YTHDC2: variants seen among roughly 807,000 people sequenced by gnomAD.
YTHDC2 encodes 3'-5' RNA helicase YTHDC2.
In YTHDC2, 45 loss-of-function variants were observed where a neutral mutation model predicts 174.9. The observed-to-expected ratio is 0.26, with a 90% CI of 0.20 to 0.33. The LOEUF (loss-of-function observed/expected upper bound fraction) is 0.33. Among genes scored for constraint, YTHDC2 ranks in the 10% least tolerant of loss-of-function variants. YTHDC2 has a pLI of 1.00. For missense variants in YTHDC2, 1,650 were observed against 1,723.7 expected (o/e 0.96, Z 0.76); for synonymous variants, 657 against 574.5 (o/e 1.14, Z -2.05).
chr5:113,582,366 G>A (rs1374523996), intron 25 of YTHDC2: 1 of 152,076 alleles, frequency 6.6e-6, no homozygotes, highest in Non-Finnish European at 1.5e-5. Flanking sequence ...ATGTGGTGGT[G>A]TTTTTGTTTA....
intron 1 of YTHDC2, chr5:113,514,317 A>G: frequency 1.4e-6 from 1 of 696,110 alleles, no homozygotes; most frequent in Non-Finnish European, 2.6e-6. Flanking sequence ...TTTGCTCCCT[A>G]GCTGAAAGTG....
intron 2 of YTHDC2, among the ~76,000 whole-genome samples, chr5:113,516,748 G>A (rs1773452719): frequency 6.6e-6 from 1 of 152,002 alleles, no homozygotes; most frequent in Non-Finnish European, 1.5e-5. Context: ...TTAGGAAGAG[G>A]GAAAACAAAA....
intron 1 of YTHDC2, 92 bp from the exon 2 acceptor site, chr5:113,515,174 TTGTCTA>T (rs1416079831): frequency 2.8e-6 from 2 of 702,592 alleles, no homozygotes; most frequent in Non-Finnish European, 4.7e-6. Flanking sequence ...ATAAATTTGA[TTGTCTA>T]TGTATGTTTT....
chr5:113,531,414 C>T (rs1220166884), intron 4 of YTHDC2, among the ~76,000 whole-genome samples: 2 of 152,096 alleles, frequency 1.3e-5, no homozygotes, highest in Non-Finnish European at 2.9e-5. Flanking sequence ...CTTGAGTAGA[C>T]ACCACTAGAG....
rs1561707154 is a variant in YTHDC2, at chr5:113,584,331, T to C, written c.3677T>C (p.Leu1226Ser). ...CTGATGAAATCTCCATCTCCAGCAT[T>C]ACACCCACCTCAGAAGTACAAAGAT... ...RVLMKSPSPA[L>S]HPPQKYKDRG... is the part of the protein sequence containing the mutation. The change falls in exon 26 of 30, where the codon TTA (leucine) becomes TCA (serine). Residue 1226 changes from leucine (L) to serine (S), a missense_variant. By Grantham distance (145) the Leu-to-Ser change is moderately radical. Around this residue, in one of 5 missense-constraint regions of YTHDC2, gnomAD observed 913 missense variants for 940.4 expected, o/e 0.97. Coordinates refer to ENST00000161863, the MANE Select transcript of YTHDC2 (RefSeq NM_022828.5). The C allele has an allele frequency of 4.3e-6, 7 of 1,613,424 alleles. No homozygotes were observed. The highest frequency in any genetic ancestry group is 5.9e-6 in the Non-Finnish European group (7 of 1,179,648).
intron 23 of YTHDC2, among the ~76,000 whole-genome samples, chr5:113,578,991 A>T (rs966754184): frequency 6.6e-6 from 1 of 151,900 alleles, no homozygotes; most frequent in Non-Finnish European, 1.5e-5. Flanking sequence ...TCTCATTTTC[A>T]CCTAATTTTG....
intron 14 of YTHDC2, 23 bp from the exon 15 acceptor site, chr5:113,553,744 T>G (rs777972499): frequency 6.2e-7 from 1 of 1,612,262 alleles, no homozygotes; most frequent in Non-Finnish European, 8.5e-7. Context: ...TTATAGTATG[T>G]TTTCTCTTTC....
Position 113,515,320 on chromosome 5 carries a change from A to T in YTHDC2, c.236A>T (p.His79Leu). ...SLTSTERAFIHRLSQSLGLVS... is the reference protein window; with the variant it reads ...SLTSTERAFILRLSQSLGLVS... ...ACCAGTACTGAAAGAGCCTTTATTCATCGACTCAGTCAGTCTCTTGGTTTG... is the reference window on the plus strand; with the variant it reads ...ACCAGTACTGAAAGAGCCTTTATTCTTCGACTCAGTCAGTCTCTTGGTTTG... Residue 79 changes from histidine (H) to leucine (L), a missense_variant, in exon 2 of 30, where the codon CAT becomes CTT. Around this residue, in one of 5 missense-constraint regions of YTHDC2, gnomAD observed 304 missense variants for 341.4 expected, o/e 0.89. Coordinates refer to ENST00000161863, the MANE Select transcript of YTHDC2 (RefSeq NM_022828.5). 4 of 1,612,936 alleles carry T rather than the reference A, an allele frequency of 2.5e-6. No individual in the cohort carries two copies. The highest frequency in any genetic ancestry group is 3.4e-6 in the Non-Finnish European group (4 of 1,179,786).
chr5:113,539,718 A>G (rs1472203760), intron 8 of YTHDC2, among the ~76,000 whole-genome samples: 1 of 152,140 alleles, frequency 6.6e-6, no homozygotes, highest in Non-Finnish European at 1.5e-5. Flanking sequence ...ATTATTCATC[A>G]TAGAAGACTT....
intron 18 of YTHDC2, among the ~76,000 whole-genome samples, chr5:113,561,914 T>A (rs1208567970): frequency 1.3e-5 from 2 of 151,856 alleles, no homozygotes; most frequent in African/African-American, 4.8e-5. Flanking sequence ...CTAGTAGTTT[T>A]AGAACTGAGT....
chr5:113,547,817 T>C (rs982096265), intron 10 of YTHDC2, among the ~76,000 whole-genome samples: 6 of 152,178 alleles, frequency 3.9e-5, no homozygotes, highest in African/African-American at 1.4e-4. Context: ...ATTAAAATTT[T>C]CCTTTTGTAG....
chr5:113,546,916 G>T (rs1431095026), intron 10 of YTHDC2, among the ~76,000 whole-genome samples: 2 of 152,162 alleles, frequency 1.3e-5, no homozygotes, highest in African/African-American at 4.8e-5. Flanking sequence ...TCTCAATAGG[G>T]CTGCCTTATT....
chr5:113,585,725 C>T (rs1580650966), intron 26 of YTHDC2, among the ~76,000 whole-genome samples: 1 of 150,436 alleles, frequency 6.6e-6, no homozygotes, highest in East Asian at 2.0e-4. Context: ...TAATAGAATC[C>T]TTTTGAAATT....
At chr5:113,554,790 A>G (rs1776489133) in intron 16 of YTHDC2, among the ~76,000 whole-genome samples, 2 of 152,072 alleles carry the variant, frequency 1.3e-5, no homozygotes, top group South Asian at 2.1e-4. Flanking sequence ...AATGCCCAGC[A>G]GTTGTCCATG....
chr5:113,548,876 G>C lies in YTHDC2; in HGVS notation c.1623-79G>C, dbSNP rs58361839. On this transcript the variant is annotated intron_variant, in intron 11 of 29. Transcript: ENST00000161863. The stretch of plus-strand genomic sequence containing the variant: ...TTAAAAATTTTTTTGAAAAGACAGG[G>C]TCTTGATGTTGCCCAGGCTCATCAT... 4.0e-3 allele frequency: 5,466 copies of C among 1,366,056 alleles called. 207 individuals are homozygous for C. In the African/African-American group the frequency reaches 0.072, roughly 18 times the overall value. 84.6% of individuals were successfully genotyped at this position (1,366,056 alleles called of 1,614,324 possible).
At chr5:113,593,232 T>C (rs1779098533) in intron 28 of YTHDC2, 71 bp from the exon 29 acceptor site, 2 of 1,048,168 alleles carry the variant, frequency 1.9e-6, no homozygotes, top group East Asian at 4.8e-5. Flanking sequence ...TTTTTATCAG[T>C]GTAGGTTTTG....
At chr5:113,573,524 A>C (rs887914320) in intron 23 of YTHDC2, among the ~76,000 whole-genome samples, 1 of 152,058 alleles carries the variant, frequency 6.6e-6, no homozygotes. Flanking sequence ...CTGTCTTGCT[A>C]GGTTAGGGAA....
intron 16 of YTHDC2, among the ~76,000 whole-genome samples, chr5:113,555,290 A>G (rs1048185498): frequency 7.9e-5 from 12 of 151,902 alleles, no homozygotes; most frequent in African/African-American, 2.9e-4. Context: ...TGTCATATTA[A>G]AAACCAAATA....
intron 4 of YTHDC2, among the ~76,000 whole-genome samples, chr5:113,531,597 AC>A (rs1257495248): frequency 1.3e-5 from 2 of 151,618 alleles, no homozygotes; most frequent in Non-Finnish European, 2.9e-5. Flanking sequence ...ACTTTATGCA[AC>A]CCCCAGGCAT....
Sources: gnomAD v4.1 joint callset for allele counts (sites outside exome capture counted in the v4.1 genomes callset) on GRCh38, gnomAD v4.1.1 for gene constraint, gnomAD v4.1.1 regional missense constraint, MANE v1.5 for transcripts, NCBI Gene and HGNC (gene_info 2026-07-23, HGNC 2026-07-21) for gene names.